Variants in PPP2R3B observed in about 807,000 individuals in gnomAD.
The protein encoded by PPP2R3B is protein phosphatase 2 regulatory subunit B''beta.
In PPP2R3B, 68 loss-of-function variants were observed where a neutral mutation model predicts 72.9. The ratio of observed to expected loss-of-function variants is 0.93; its 90% CI spans 0.77 to 1.14. The LOEUF is 1.14. PPP2R3B is among the 50% of genes most tolerant of loss of function. The probability of loss-of-function intolerance (pLI) is 0.00; values close to 1 mark genes in which losing one functional copy is unlikely to be tolerated. For missense variants in PPP2R3B, 1,018 were observed against 842.0 expected, an observed-to-expected ratio of 1.21 and a Z score of -2.59; for synonymous variants, 466 against 375.8, an observed-to-expected ratio of 1.24 and a Z score of -2.78.
At chrX:346,098 G>GTA in intron 6 of PPP2R3B, 76 bp downstream of exon 6, 1 of 655,810 alleles carries the variant, frequency 1.5e-6, no homozygotes, top group Non-Finnish European at 2.3e-6. Context: ...GGAGGGGGGA[G>GTA]GAGGGAAGGG....
At chrX:378,285 C>A (rs898431905) in intron 1 of PPP2R3B, among the ~76,000 whole-genome samples, 1 of 152,198 alleles carries the variant, frequency 6.6e-6, no homozygotes, top group African/African-American at 2.4e-5. Flanking sequence ...TCCTAAAATG[C>A]CCAGAAGACC....
At chrX:384,842 G>C (rs1208011122) in intron 1 of PPP2R3B, among the ~76,000 whole-genome samples, 1 of 151,810 alleles carries the variant, frequency 6.6e-6, no homozygotes, top group Non-Finnish European at 1.5e-5. Context: ...AAAATTAGCC[G>C]GGGGTGGTGG....
intron 12 of PPP2R3B, chrX:338,134 G>A: frequency 4.8e-6 from 1 of 209,492 alleles, no homozygotes; most frequent in Admixed American, 5.1e-5. Context: ...GCAAATAAAG[G>A]GTTTGTATGC....
At position 340,829 on chromosome X, in the gene PPP2R3B, G is replaced by A. The variant is rs145546040; in HGVS notation, c.1287C>T (p.Ile429=). ...GGCAGTCCTGGAAGGGCAGGGCCTC[G>A]ATGGCCATGCTGTCCAGCCTTCGGC... ...EQCRRLDSMA[I]EALPFQDCLC... Residue 429 remains isoleucine (I), a synonymous_variant, in exon 10 of 13, where the codon ATC becomes ATT. Coordinates refer to ENST00000390665, the MANE Select transcript of PPP2R3B (RefSeq NM_013239.5). 56 of 1,610,916 alleles carry A rather than the reference G, an allele frequency of 3.5e-5. No individual in the cohort carries two copies. The highest frequency in any genetic ancestry group is 1.7e-4 in the Middle Eastern group (1 of 5,766).
chrX:375,460 GGATGCAAACTCACAGGGCAGA>G (rs2071969684), intron 1 of PPP2R3B, among the ~76,000 whole-genome samples: 1 of 147,108 alleles, frequency 6.8e-6, no homozygotes, highest in African/African-American at 2.5e-5. Context: ...CCACGATGCA[GGATGCAAACTCACAGGGCAGA>G]GGTGCGGCCC....
chrX:376,041 AT>A (rs2071985054), intron 1 of PPP2R3B, among the ~76,000 whole-genome samples: 2 of 152,066 alleles, frequency 1.3e-5, no homozygotes, highest in African/African-American at 4.8e-5. Flanking sequence ...AAAATACAAA[AT>A]TAGCTGGGCA....
chrX:354,743 C>T (rs1341169918), intron 2 of PPP2R3B, among the ~76,000 whole-genome samples: 1 of 152,042 alleles, frequency 6.6e-6, no homozygotes, highest in African/African-American at 2.4e-5. Flanking sequence ...CACGGCTACT[C>T]GGGAGGGCTG....
At chrX:367,466 T>C (rs1462403087) in intron 1 of PPP2R3B, among the ~76,000 whole-genome samples, 1 of 151,886 alleles carries the variant, frequency 6.6e-6, no homozygotes, top group East Asian at 1.9e-4. Flanking sequence ...TCTCGCTATG[T>C]TGTGCTGGCT....
intron 7 of PPP2R3B, chrX:345,083 A>G (rs1336550275): frequency 2.2e-6 from 1 of 450,008 alleles, no homozygotes; most frequent in Admixed American, 2.5e-5. Context: ...GCGGAGGTAT[A>G]TGAACGACCG....
At chrX:351,230 C>T (rs757697822) in intron 2 of PPP2R3B, among the ~76,000 whole-genome samples, 71 of 152,244 alleles carry the variant, frequency 4.7e-4, no homozygotes, top group African/African-American at 1.5e-3. Flanking sequence ...AAGGGCGTCC[C>T]GGTGCGGTGG....
intron 1 of PPP2R3B, among the ~76,000 whole-genome samples, chrX:380,786 CAAAAAAAAAAAA>C (rs1054118917): frequency 1.7e-4 from 9 of 53,128 alleles, no homozygotes; most frequent in African/African-American, 3.7e-4. Context: ...AACTCCATCT[CAAAAAAAAAAAA>C]AAAAAAAAAA....
chrX:347,558 C>A (rs754323094), intron 3 of PPP2R3B, 32 bp downstream of exon 3: 2 of 1,552,584 alleles, frequency 1.3e-6, no homozygotes, highest in Non-Finnish European at 1.7e-6. Context: ...TCCGCCCTCC[C>A]GACACAGCCC....
chrX:379,304 G>T (rs1177236573), intron 1 of PPP2R3B, among the ~76,000 whole-genome samples: 2 of 147,222 alleles, frequency 1.4e-5, no homozygotes, highest in African/African-American at 5.2e-5. Flanking sequence ...TGTGTGTATG[G>T]ACCTATGTAT....
intron 1 of PPP2R3B, among the ~76,000 whole-genome samples, chrX:374,231 C>A (rs1054594454): frequency 1.4e-4 from 21 of 152,190 alleles, no homozygotes; most frequent in Non-Finnish European, 2.2e-4. Context: ...AGGTCCCCCC[C>A]CTCCACGACA....
intron 2 of PPP2R3B, among the ~76,000 whole-genome samples, chrX:351,510 G>C (rs4618899): frequency 2.6e-5 from 4 of 152,004 alleles, no homozygotes; most frequent in South Asian, 2.1e-4. Context: ...GCAGGCTGGA[G>C]TGCAGTGTGT....
chrX:342,226 GGAGA>G (rs1237974443), intron 7 of PPP2R3B: 4 of 570,372 alleles, frequency 7.0e-6, no homozygotes, highest in African/African-American at 3.8e-5. Flanking sequence ...GCTTTCAGAC[GGAGA>G]GAGAGACCTC....
intron 1 of PPP2R3B, among the ~76,000 whole-genome samples, chrX:383,586 C>G (rs2072171536): frequency 6.6e-6 from 1 of 151,844 alleles, no homozygotes; most frequent in African/African-American, 2.4e-5. Context: ...ACCTGTAATC[C>G]CAAAACTTTG....
intron 7 of PPP2R3B, chrX:345,027 G>A (rs2071166787): frequency 5.3e-6 from 2 of 377,070 alleles, no homozygotes; most frequent in Admixed American, 3.4e-5. Flanking sequence ...TAGAGGGGCC[G>A]GGAGGCAGTG....
At chrX:367,459 C>T (rs1024114011) in intron 1 of PPP2R3B, among the ~76,000 whole-genome samples, 30 of 151,164 alleles carry the variant, frequency 2.0e-4, no homozygotes, top group African/African-American at 6.3e-4. Flanking sequence ...GACGGGGTCT[C>T]GCTATGTTGT....
Sources: gnomAD v4.1 joint callset for allele counts (sites outside exome capture counted in the v4.1 genomes callset) on GRCh38, gnomAD v4.1.1 for gene constraint, MANE v1.5 for transcripts, NCBI Gene and HGNC (gene_info 2026-07-23, HGNC 2026-07-21) for gene names.